LRP6: variants seen among roughly 807,000 people sequenced by gnomAD.
LRP6 encodes LDL receptor related protein 6.
A neutral mutation model predicts 184.1 loss-of-function variants in LRP6; 43 were observed. The ratio of observed to expected loss-of-function variants is 0.23; its 90% confidence interval spans 0.18 to 0.30. The LOEUF (loss-of-function observed/expected upper bound fraction) is 0.30, where lower values mean the gene tolerates loss of function less well. Ranked by LOEUF, LRP6 falls within the 10% of genes least tolerant of loss-of-function variation. The pLI is 1.00. For synonymous variants in LRP6, 719 were observed against 684.9 expected (o/e 1.05, Z -0.78); for missense variants, 1,571 against 2,005.3 (o/e 0.78, Z 4.14).
intron 1 of LRP6, among the ~76,000 whole-genome samples, chr12:12,264,145 A>T (rs76183438): frequency 0.042 from 6,259 of 148,502 alleles, 175 homozygotes; most frequent in Middle Eastern, 0.16. Context: ...TGTCTCTTTA[A>T]AAAAAAAAAA....
In LRP6 at chr12:12,131,897, C is replaced by A. The variant is rs761565729; in HGVS notation, c.3894G>T (p.Gly1298=). The A allele has an allele frequency of 4.3e-6, 7 of 1,614,102 alleles. No homozygotes were observed. The highest frequency in any genetic ancestry group is 5.9e-6 in the Non-Finnish European group (7 of 1,180,046). The part of the protein sequence containing the change: ...CSESQFQCAS[G]QCIDGALRCN... ...ATCGGAGGGCACCATCAATACACTGCCCACTGGCACACTGGAACTGGGACT... is the reference window on the plus strand; with the variant it reads ...ATCGGAGGGCACCATCAATACACTGACCACTGGCACACTGGAACTGGGACT... The change falls in exon 18 of 23, where the codon GGG becomes GGT. Residue 1298 remains glycine (G), a synonymous_variant. Transcript: ENST00000261349.
chr12:12,203,430 G>C, intron 2 of LRP6, 30 bp from the exon 3 acceptor site: 1 of 1,532,044 alleles, frequency 6.5e-7, no homozygotes, highest in South Asian at 1.1e-5. Context: ...TTAAAGCCAT[G>C]ACAGAGCAGA....
intron 3 of LRP6, among the ~76,000 whole-genome samples, chr12:12,194,627 A>G (rs1221120916): frequency 1.3e-5 from 2 of 152,112 alleles, no homozygotes; most frequent in African/African-American, 2.4e-5. Flanking sequence ...ATAATTACAC[A>G]TATTTGTGGG....
chr12:12,165,350 T>G, intron 7 of LRP6, 55 bp from the exon 8 acceptor site: 1 of 1,274,590 alleles, frequency 7.8e-7, no homozygotes, highest in Non-Finnish European at 1.1e-6. Context: ...ATTCTTCAGC[T>G]AAAAATAACA....
chr12:12,191,639 T>G (rs1457368047), intron 3 of LRP6, among the ~76,000 whole-genome samples: 1 of 151,856 alleles, frequency 6.6e-6, no homozygotes, highest in African/African-American at 2.4e-5. Context: ...ATAGAACAAA[T>G]TAAACTGATA....
At chr12:12,226,980 C>G (rs1326252052) in intron 2 of LRP6, among the ~76,000 whole-genome samples, 1 of 152,012 alleles carries the variant, frequency 6.6e-6, no homozygotes, top group Admixed American at 6.6e-5. Context: ...CCAACCACCA[C>G]CTAACACCTT....
chr12:12,124,779 A>G (rs1180663372), intron 21 of LRP6, 117 bp from the exon 22 acceptor site: 1 of 672,596 alleles, frequency 1.5e-6, no homozygotes, highest in East Asian at 2.8e-5. Context: ...TATTAGCACA[A>G]TTCTTCTTTT....
In LRP6 at chr12:12,124,605, C is replaced by T. The variant is rs776738627; in HGVS notation, c.4507G>A (p.Gly1503Arg). 10 of 1,613,854 alleles carry T rather than the reference C, an allele frequency of 6.2e-6. No homozygotes were observed. Among genetic ancestry groups the T allele is most frequent in the Non-Finnish European group, 8.5e-6 (10 of 1,179,796 alleles). ...TERSHYTMEF[G>R]YSSNSPSTHR... ...GTGGAAGGACTGTTTGAAGAATATC[C>T]AAATTCCATAGTGTAATGTGATCGC... is the stretch of plus-strand genomic sequence containing the variant. Residue 1503 changes from glycine to arginine, a missense_variant, in exon 22 of 23, where the codon GGA becomes AGA. This residue lies in a region of LRP6 where 763 missense variants were observed against 859.5 expected (regional missense o/e 0.89). Transcript: ENST00000261349.
At chr12:12,237,986 G>C (rs1174593177) in intron 2 of LRP6, among the ~76,000 whole-genome samples, 1 of 152,110 alleles carries the variant, frequency 6.6e-6, no homozygotes, top group East Asian at 1.9e-4. Flanking sequence ...TAGGGAAGCT[G>C]GGTGAAAGTT....
chr12:12,266,218 C>T (rs1865754905), intron 1 of LRP6, among the ~76,000 whole-genome samples: 2 of 152,132 alleles, frequency 1.3e-5, no homozygotes, highest in African/African-American at 4.8e-5. Context: ...AGCAAGAGGG[C>T]TTTAAAAGTT....
In LRP6 at chr12:12,158,986, G is replaced by A; in HGVS notation, c.2634C>T (p.Asp878=). 6 of 1,614,230 alleles carry A rather than the reference G, an allele frequency of 3.7e-6. No homozygotes were observed. The highest frequency in any genetic ancestry group is 5.1e-6 in the Non-Finnish European group (6 of 1,180,034). The change falls in exon 12 of 23, where the codon GAC becomes GAT. Residue 878 remains aspartate, a synonymous_variant. Coordinates refer to ENST00000261349, the MANE Select transcript of LRP6 (RefSeq NM_002336.3). ...GTCGAGATGAGTGAAAGACGAGGATGTCCATCACATAATCCAAATGGCCCT... is the reference window on the plus strand; with the variant it reads ...GTCGAGATGAGTGAAAGACGAGGATATCCATCACATAATCCAAATGGCCCT... ...IIQGHLDYVM[D]ILVFHSSRQS... is the part of the protein sequence containing the mutation.
intron 2 of LRP6, among the ~76,000 whole-genome samples, chr12:12,225,198 G>C (rs998749471): frequency 6.6e-6 from 1 of 152,152 alleles, no homozygotes; most frequent in Non-Finnish European, 1.5e-5. Context: ...GGGCGACAAA[G>C]CGAGACTCCA....
In LRP6 at chr12:12,197,871, C is replaced by T. The variant is rs144555214; in HGVS notation, c.647+5332G>A. On this transcript the variant is annotated intron_variant, in intron 3 of 22. Coordinates refer to ENST00000261349, the MANE Select transcript of LRP6 (RefSeq NM_002336.3). ...CCAGCTGGGCAACATGATGAAATCC[C>T]GTCTCTACTAAAAATACAAAAAATT... 5.5e-3 allele frequency among the ~76,000 whole-genome samples: 838 copies of T among 152,266 alleles called. 8 individuals carry two copies. The highest frequency in any genetic ancestry group is 0.019 in the African/African-American group (775 of 41,564).
intron 3 of LRP6, among the ~76,000 whole-genome samples, chr12:12,189,425 A>T (rs892335795): frequency 5.9e-5 from 9 of 152,224 alleles, no homozygotes; most frequent in African/African-American, 2.2e-4. Context: ...TACAATGTGA[A>T]TATTTCATGT....
intron 2 of LRP6, among the ~76,000 whole-genome samples, chr12:12,239,340 A>AATG (rs944166155): frequency 1.3e-5 from 2 of 152,208 alleles, no homozygotes; most frequent in Non-Finnish European, 2.9e-5. Context: ...CAAAGAAAAT[A>AATG]ATGCACTTTT....
intron 2 of LRP6, among the ~76,000 whole-genome samples, chr12:12,205,325 C>CAAAAAAAAAAAAAAAAAAAA (rs1334062234): frequency 3.8e-5 from 1 of 26,230 alleles, no homozygotes; most frequent in African/African-American, 9.6e-5. Context: ...CTGTCTCAAA[C>CAAAAAAAAAAAAAAAAAAAA]AAACAAAAAA....
At chr12:12,244,965 T>C (rs1311841695) in intron 1 of LRP6, among the ~76,000 whole-genome samples, 1 of 152,228 alleles carries the variant, frequency 6.6e-6, no homozygotes, top group Non-Finnish European at 1.5e-5. Flanking sequence ...GGAACACTCA[T>C]ACTCTACTGG....
At chr12:12,134,459 T>C (rs1472807575) in intron 17 of LRP6, among the ~76,000 whole-genome samples, 2 of 152,184 alleles carry the variant, frequency 1.3e-5, no homozygotes, top group African/African-American at 4.8e-5. Flanking sequence ...TTGTGGTGCC[T>C]GATACCATCA....
chr12:12,170,820 C>A (rs1176276031), intron 7 of LRP6, among the ~76,000 whole-genome samples: 4 of 150,928 alleles, frequency 2.7e-5, no homozygotes, highest in Admixed American at 6.6e-5. Context: ...CACACACACA[C>A]ACACACACAC....
Sources: allele counts gnomAD v4.1 joint callset (sites outside exome capture counted in the v4.1 genomes callset), GRCh38; gene constraint gnomAD v4.1.1; regional missense constraint gnomAD v4.1.1; transcripts MANE v1.5; gene names NCBI Gene and HGNC (gene_info 2026-07-23, HGNC 2026-07-21).